Variants in MTUS2 observed in about 807,000 individuals in gnomAD.
MTUS2 encodes the protein microtubule-associated tumor suppressor candidate 2.
Under a neutral mutation model 114.1 loss-of-function variants are expected in MTUS2, and 40 were observed. The ratio of observed to expected loss-of-function variants is 0.35; its 90% CI spans 0.27 to 0.46. MTUS2 has a LOEUF of 0.46. MTUS2 is among the 20% of genes least tolerant of loss of function. MTUS2 has a pLI of 1.00. For synonymous variants in MTUS2, 688 were observed against 672.0 expected, an observed-to-expected ratio of 1.02 and a Z score of -0.37; for missense variants, 1,679 against 1,705.4, an observed-to-expected ratio of 0.98 and a Z score of 0.27.
chr13:29,168,213 G>C (rs9579300), intron 5 of MTUS2, among the ~76,000 whole-genome samples: 25,070 of 152,136 alleles, frequency 0.16, 2,133 homozygotes, highest in Middle Eastern at 0.24. Flanking sequence ...ACAAGAAACT[G>C]CTGACTTTTC....
chr13:29,086,428 T>C (rs922749922), intron 4 of MTUS2, among the ~76,000 whole-genome samples: 1 of 152,010 alleles, frequency 6.6e-6, no homozygotes, highest in African/African-American at 2.4e-5. Context: ...GTCTTCAAGA[T>C]TGTAGGTGTG....
chr13:29,422,297 C>T (rs918585862), intron 8 of MTUS2, among the ~76,000 whole-genome samples: 2 of 152,174 alleles, frequency 1.3e-5, no homozygotes, highest in South Asian at 4.1e-4. Context: ...GCTGTGCAAC[C>T]TCAGAGCCTC....
Position 29,324,692 on chromosome 13 carries a change from C to G in MTUS2, c.2886C>G (p.Thr962=). Residue 962 remains threonine, a synonymous_variant, in exon 7 of 16, where the codon ACC becomes ACG. Transcript: ENST00000612955. ...VSSPKRVAAS[T]TKLHSPGYPK... is the part of the protein sequence containing the mutation. ...CTCCTAAGAGAGTAGCAGCTTCAAC[C>G]ACCAAGCTTCATTCACCAGGTATGT... The G allele has an allele frequency of 6.3e-7, 1 of 1,598,420 alleles. No homozygotes were observed. Among genetic ancestry groups the G allele is most frequent in the Non-Finnish European group, 8.5e-7 (1 of 1,171,940 alleles).
intron 4 of MTUS2, among the ~76,000 whole-genome samples, chr13:29,094,106 C>A (rs375609635): frequency 1.3e-5 from 2 of 151,972 alleles, no homozygotes; most frequent in African/African-American, 2.4e-5. Context: ...AGCTTCAGTG[C>A]GCAGTATCTT....
At chr13:29,097,511 A>G (rs767514753) in intron 4 of MTUS2, among the ~76,000 whole-genome samples, 1 of 152,246 alleles carries the variant, frequency 6.6e-6, no homozygotes, top group Non-Finnish European at 1.5e-5. Context: ...TATATTCTTG[A>G]ATAGTCCAAG....
intron 5 of MTUS2, among the ~76,000 whole-genome samples, chr13:29,106,072 T>G (rs1254880145): frequency 6.6e-6 from 1 of 152,144 alleles, no homozygotes; most frequent in Non-Finnish European, 1.5e-5. Flanking sequence ...TCTCCTAGTC[T>G]TCACCTTGTC....
At chr13:29,060,592 G>T (rs779103129) in intron 4 of MTUS2, among the ~76,000 whole-genome samples, 1 of 130,636 alleles carries the variant, frequency 7.7e-6, no homozygotes, top group Non-Finnish European at 1.6e-5. Context: ...ATCACTTTTC[G>T]GTCTTTTACT....
At chr13:28,841,591 G>A (rs553372142) in intron 2 of MTUS2, among the ~76,000 whole-genome samples, 12 of 152,252 alleles carry the variant, frequency 7.9e-5, no homozygotes, top group Admixed American at 7.8e-4. Context: ...TGGTTTCTTG[G>A]GTGCTGGAGA....
At chr13:29,031,732 C>T (rs1034234268) in intron 3 of MTUS2, among the ~76,000 whole-genome samples, 3 of 151,818 alleles carry the variant, frequency 2.0e-5, no homozygotes, top group Non-Finnish European at 4.4e-5. Context: ...ATCTAGAATG[C>T]TTGACCAAAT....
intron 4 of MTUS2, among the ~76,000 whole-genome samples, chr13:29,046,030 C>T (rs1437810371): frequency 1.1e-4 from 17 of 152,164 alleles, no homozygotes; most frequent in East Asian, 3.9e-4. Context: ...TCCCAGTCCC[C>T]GTGCTTACAA....
chr13:29,047,735 G>C (rs919851580), intron 4 of MTUS2, among the ~76,000 whole-genome samples: 1 of 152,032 alleles, frequency 6.6e-6, no homozygotes, highest in Non-Finnish European at 1.5e-5. Context: ...GGATGGTCTC[G>C]ATCTCCTGAC....
chr13:29,439,249 A>T (rs1485499619), intron 8 of MTUS2, among the ~76,000 whole-genome samples: 2 of 152,180 alleles, frequency 1.3e-5, no homozygotes, highest in Non-Finnish European at 2.9e-5. Flanking sequence ...ATAGTGACTC[A>T]ATAACGCAGA....
At chr13:29,083,328 C>T (rs186409263) in intron 4 of MTUS2, among the ~76,000 whole-genome samples, 53 of 152,228 alleles carry the variant, frequency 3.5e-4, no homozygotes, top group Admixed American at 2.7e-3. Flanking sequence ...TAATGTCATG[C>T]CTGTACTCTT....
rs867050407 is a variant in MTUS2, at chr13:28,972,003, T to C, written c.-242-52454T>C. On this transcript the variant is annotated intron_variant, in intron 2 of 15. Coordinates refer to ENST00000612955, the MANE Select transcript of MTUS2 (RefSeq NM_001033602.4). Reference sequence around the variant, plus strand: ...TAATAGCCAAGGGTGAAAACAAACATATGATTTATGGCTTTAGTATTAATG... The same window carrying C: ...TAATAGCCAAGGGTGAAAACAAACACATGATTTATGGCTTTAGTATTAATG... Among the ~76,000 whole-genome samples, 11 of 152,310 alleles carry C rather than the reference T, an allele frequency of 7.2e-5. No homozygotes were observed. The South Asian group carries it at 2.3e-3, about 32-fold the overall frequency.
intron 2 of MTUS2, among the ~76,000 whole-genome samples, chr13:28,890,186 T>A (rs887245811): frequency 6.6e-6 from 1 of 152,198 alleles, no homozygotes; most frequent in African/African-American, 2.4e-5. Context: ...TTCTATAAGA[T>A]GGCTCGGAAG....
intron 8 of MTUS2, among the ~76,000 whole-genome samples, chr13:29,433,477 AT>A (rs563663345): frequency 1.2e-3 from 189 of 152,314 alleles, no homozygotes; most frequent in African/African-American, 4.5e-3. Flanking sequence ...AATAATACTT[AT>A]TGATTAACTC....
At chr13:29,031,597 T>C (rs1176027454) in intron 3 of MTUS2, among the ~76,000 whole-genome samples, 1 of 151,938 alleles carries the variant, frequency 6.6e-6, no homozygotes, top group East Asian at 1.9e-4. Flanking sequence ...GAGGAGTCAG[T>C]CTGTTTTTAT....
At chr13:28,973,465 C>A (rs1883947200) in intron 2 of MTUS2, among the ~76,000 whole-genome samples, 1 of 152,208 alleles carries the variant, frequency 6.6e-6, no homozygotes, top group African/African-American at 2.4e-5. Context: ...CTCACTAGGG[C>A]ATGTACCTAA....
intron 2 of MTUS2, among the ~76,000 whole-genome samples, chr13:28,942,059 C>G (rs1332105591): frequency 6.6e-6 from 1 of 151,956 alleles, no homozygotes; most frequent in East Asian, 1.9e-4. Context: ...TATGAAATGG[C>G]AAGATAATGA....
Sources: allele counts gnomAD v4.1 joint callset (sites outside exome capture counted in the v4.1 genomes callset), GRCh38; gene constraint gnomAD v4.1.1; transcripts MANE v1.5; gene names NCBI Gene and HGNC (gene_info 2026-07-23, HGNC 2026-07-21).